Variants in SORCS3 observed in about 807,000 individuals in gnomAD.
SORCS3 encodes sortilin related VPS10 domain containing receptor 3.
A neutral mutation model predicts 146.3 loss-of-function variants in SORCS3; 57 were observed. The observed-to-expected ratio is 0.39, with a 90% CI of 0.31 to 0.49. The LOEUF (loss-of-function observed/expected upper bound fraction) is 0.49. Ranked by LOEUF, SORCS3 falls within the 20% of genes least tolerant of loss-of-function variation. The pLI is 0.92. For synonymous variants in SORCS3, 653 were observed against 618.5 expected (o/e 1.06, Z -0.83); for missense variants, 1,341 against 1,575.5 (o/e 0.85, Z 2.52).
At chr10:105,088,326 T>C (rs763511896) in intron 5 of SORCS3, among the ~76,000 whole-genome samples, 8 of 152,122 alleles carry the variant, frequency 5.3e-5, no homozygotes, top group Non-Finnish European at 1.0e-4. Context: ...AAGGAAACGA[T>C]AGAATGTCAA....
intron 2 of SORCS3, among the ~76,000 whole-genome samples, chr10:104,880,634 C>G (rs1172670724): frequency 7.2e-6 from 1 of 139,062 alleles, no homozygotes; most frequent in African/African-American, 2.7e-5. Flanking sequence ...CTACTTCTGC[C>G]AATGCCTCCA....
chr10:105,085,343 A>T (rs982220297), intron 5 of SORCS3, among the ~76,000 whole-genome samples: 1 of 152,192 alleles, frequency 6.6e-6, no homozygotes, highest in African/African-American at 2.4e-5. Context: ...ATTGTGGTGA[A>T]GAATGTTCTT....
chr10:104,920,833 G>A (rs1564713606), intron 3 of SORCS3, among the ~76,000 whole-genome samples: 1 of 152,196 alleles, frequency 6.6e-6, no homozygotes, highest in Non-Finnish European at 1.5e-5. Flanking sequence ...CTAGACTGCT[G>A]TTCTGTGGCA....
intron 1 of SORCS3, among the ~76,000 whole-genome samples, chr10:104,722,835 C>A (rs946273872): frequency 2.6e-5 from 4 of 152,120 alleles, no homozygotes; most frequent in Non-Finnish European, 5.9e-5. Flanking sequence ...TCCCCTTTAT[C>A]ATTTTTTATT....
chr10:105,098,090 G>C (rs1010770092), intron 6 of SORCS3, among the ~76,000 whole-genome samples: 1 of 152,142 alleles, frequency 6.6e-6, no homozygotes, highest in Non-Finnish European at 1.5e-5. Context: ...TAGCTTTGAA[G>C]ACTAAACTCT....
At chr10:105,021,290 A>G (rs28576313) in intron 4 of SORCS3, among the ~76,000 whole-genome samples, 47,928 of 151,938 alleles carry the variant, frequency 0.32, 9,049 homozygotes, top group African/African-American at 0.53. Context: ...GGCAAGAGAG[A>G]GCAAGAAATC....
At position 104,708,562 on chromosome 10, in the gene SORCS3, T is replaced by A. The variant is rs114091329; in HGVS notation, c.627+66608T>A. Among the ~76,000 whole-genome samples the A allele has an allele frequency of 5.9e-3, 894 of 152,286 alleles. 7 individuals carry two copies. The highest frequency in any genetic ancestry group is 0.02 in the African/African-American group (842 of 41,550). ...GATTGCTAAATTGCTTCTGATAACT[T>A]GTTTGGTGCATATAGCCAGCAAAAA... is the stretch of plus-strand genomic sequence containing the variant. On this transcript the variant is annotated intron_variant, in intron 1 of 26. Coordinates refer to ENST00000369701, the MANE Select transcript of SORCS3 (RefSeq NM_014978.3).
intron 19 of SORCS3, chr10:105,217,936 C>A (rs2056675333): frequency 2.2e-6 from 1 of 453,130 alleles, no homozygotes; most frequent in South Asian, 1.6e-5. Context: ...TTCCATGGTT[C>A]TTACTTACAT....
rs376976549 is a variant in SORCS3, at chr10:104,831,174, G to A, written c.628-11618G>A. On this transcript the variant is annotated intron_variant, in intron 1 of 26. Transcript: ENST00000369701. The stretch of plus-strand genomic sequence containing the variant: ...TGAGGATACTGTCACTCTCTATCAA[G>A]AAAGAGATTCATGAAGTTCCATTAG... Among the ~76,000 whole-genome samples, 389 of 152,282 alleles carry A rather than the reference G, an allele frequency of 2.6e-3. 2 individuals are homozygous for A. The highest frequency in any genetic ancestry group is 9.0e-3 in the African/African-American group (375 of 41,550).
At chr10:104,745,478 G>A (rs1343184462) in intron 1 of SORCS3, among the ~76,000 whole-genome samples, 1 of 152,170 alleles carries the variant, frequency 6.6e-6, no homozygotes, top group African/African-American at 2.4e-5. Context: ...TTAGGAAATA[G>A]TGTACACCCT....
intron 2 of SORCS3, among the ~76,000 whole-genome samples, chr10:104,877,039 C>T (rs974968438): frequency 6.6e-6 from 1 of 151,854 alleles, no homozygotes; most frequent in African/African-American, 2.4e-5. Flanking sequence ...TTTTTGGAGA[C>T]AAGGTCTCCC....
At chr10:105,062,701 T>C (rs1212344902) in intron 5 of SORCS3, among the ~76,000 whole-genome samples, 1 of 152,158 alleles carries the variant, frequency 6.6e-6, no homozygotes, top group Non-Finnish European at 1.5e-5. Flanking sequence ...CTAGCCCCAT[T>C]ATAAAAAGAA....
At chr10:104,830,798 A>C (rs909016430) in intron 1 of SORCS3, among the ~76,000 whole-genome samples, 3 of 152,022 alleles carry the variant, frequency 2.0e-5, no homozygotes, top group Non-Finnish European at 4.4e-5. Flanking sequence ...GATTCTGCCT[A>C]ATATAATGCA....
chr10:104,979,011 T>C (rs2054918028), intron 4 of SORCS3, among the ~76,000 whole-genome samples: 1 of 152,194 alleles, frequency 6.6e-6, no homozygotes, highest in Non-Finnish European at 1.5e-5. Context: ...TTCTTTAATG[T>C]AAGTCTCATC....
intron 1 of SORCS3, among the ~76,000 whole-genome samples, chr10:104,722,706 G>A (rs1389166689): frequency 6.6e-6 from 1 of 152,134 alleles, no homozygotes; most frequent in African/African-American, 2.4e-5. Context: ...TTTAGTCTTG[G>A]GAGGGTGTAT....
chr10:105,121,856 C>A (rs757025570), intron 7 of SORCS3, among the ~76,000 whole-genome samples: 15 of 152,176 alleles, frequency 9.9e-5, no homozygotes, highest in Non-Finnish European at 1.9e-4. Context: ...ATCATCATGA[C>A]ATCCACAGCT....
chr10:104,963,452 A>G (rs1174364518), intron 3 of SORCS3, among the ~76,000 whole-genome samples: 1 of 152,154 alleles, frequency 6.6e-6, no homozygotes, highest in African/African-American at 2.4e-5. Context: ...CTTGATTTTA[A>G]GAGTATCTCA....
intron 6 of SORCS3, among the ~76,000 whole-genome samples, chr10:105,093,089 A>C (rs1464909130): frequency 1.3e-5 from 2 of 152,232 alleles, no homozygotes; most frequent in East Asian, 3.9e-4. Context: ...ATCCATAAGA[A>C]AATCTCCTAG....
At chr10:104,813,955 G>C (rs1353933153) in intron 1 of SORCS3, among the ~76,000 whole-genome samples, 4 of 149,448 alleles carry the variant, frequency 2.7e-5, no homozygotes, top group African/African-American at 9.9e-5. Flanking sequence ...TTGCCAGGGG[G>C]TGTGGTCTTT....
Sources: allele counts gnomAD v4.1 joint callset (sites outside exome capture counted in the v4.1 genomes callset), GRCh38; gene constraint gnomAD v4.1.1; transcripts MANE v1.5; gene names NCBI Gene and HGNC (gene_info 2026-07-23, HGNC 2026-07-21).